GALNT11: variants seen among roughly 807,000 people sequenced by gnomAD.
GALNT11 encodes the protein UDP-GalNAc:polypeptide N-acetylgalactosaminyltransferase 11.
In GALNT11, 47 loss-of-function variants were observed where a neutral mutation model predicts 72.7. The observed-to-expected ratio is 0.65, with a 90% CI of 0.51 to 0.82. The LOEUF is 0.82. Ranked by LOEUF, GALNT11 falls within the 40% of genes least tolerant of loss-of-function variation. The pLI, the probability that GALNT11 is intolerant of heterozygous loss-of-function variation, is 0.00. For missense variants in GALNT11, 677 were observed against 778.4 expected, an observed-to-expected ratio of 0.87 and a Z score of 1.55; for synonymous variants, 270 against 286.6, an observed-to-expected ratio of 0.94 and a Z score of 0.58.
chr7:152,054,446 A>G (rs553154915), intron 1 of GALNT11, among the ~76,000 whole-genome samples: 1 of 141,948 alleles, frequency 7.0e-6, no homozygotes, highest in Non-Finnish European at 1.5e-5. Flanking sequence ...ATTTTTTTTA[A>G]TTGTGGTAAA....
intron 2 of GALNT11, among the ~76,000 whole-genome samples, chr7:152,096,655 C>CCT (rs2086399421): frequency 6.9e-6 from 1 of 145,576 alleles, no homozygotes; most frequent in African/African-American, 2.6e-5. Context: ...GCGGAGGTTG[C>CCT]AGTGAGTCAA....
chr7:152,062,069 T>A (rs1362402183), intron 1 of GALNT11, among the ~76,000 whole-genome samples: 1 of 152,230 alleles, frequency 6.6e-6, no homozygotes, highest in Admixed American at 6.5e-5. Context: ...TTGGGCAGTA[T>A]GGCCATTTTC....
intron 2 of GALNT11, among the ~76,000 whole-genome samples, chr7:152,098,737 ATTTC>A (rs2086556823): frequency 6.6e-6 from 1 of 152,008 alleles, no homozygotes; most frequent in African/African-American, 2.4e-5. Flanking sequence ...TTTTAGTTTT[ATTTC>A]TTTTATGTTT....
At chr7:152,055,589 A>G (rs1220910198) in intron 1 of GALNT11, among the ~76,000 whole-genome samples, 1 of 151,308 alleles carries the variant, frequency 6.6e-6, no homozygotes, top group African/African-American at 2.4e-5. Flanking sequence ...ATATATATAT[A>G]CACACAAAGT....
chr7:152,069,529 T>G (rs1256175096), intron 1 of GALNT11, among the ~76,000 whole-genome samples: 1 of 152,208 alleles, frequency 6.6e-6, no homozygotes, highest in African/African-American at 2.4e-5. Flanking sequence ...AGTCTCCAAC[T>G]GTAGTAGTGG....
chr7:152,121,254 C>T (rs542824599), intron 11 of GALNT11, among the ~76,000 whole-genome samples: 16 of 152,212 alleles, frequency 1.1e-4, no homozygotes, highest in African/African-American at 3.4e-4. Flanking sequence ...CAGTGGCTCC[C>T]GCCTGTAATC....
At chr7:152,032,811 C>G (rs1035472872) in intron 1 of GALNT11, among the ~76,000 whole-genome samples, 1 of 152,154 alleles carries the variant, frequency 6.6e-6, no homozygotes, top group African/African-American at 2.4e-5. Context: ...CCAGCTTTGG[C>G]TAACATATCC....
chr7:152,063,943 T>G (rs909601208), intron 1 of GALNT11, among the ~76,000 whole-genome samples: 9 of 152,160 alleles, frequency 5.9e-5, no homozygotes, highest in African/African-American at 1.9e-4. Context: ...CTGTTGATTT[T>G]GGGTAGAGAG....
intron 1 of GALNT11, among the ~76,000 whole-genome samples, chr7:152,069,997 C>CTTTTTTTTTTTTTTTT (rs879494057): frequency 7.0e-6 from 1 of 143,438 alleles, no homozygotes; most frequent in African/African-American, 2.8e-5. Flanking sequence ...TTTTCTTTTT[C>CTTTTTTTTTTTTTTTT]TTTTTCTTTT....
intron 8 of GALNT11, among the ~76,000 whole-genome samples, chr7:152,116,368 G>A (rs545175323): frequency 2.4e-3 from 370 of 151,796 alleles, no homozygotes; most frequent in Non-Finnish European, 2.8e-3. Flanking sequence ...CTGCAGCCTC[G>A]GCCCCCAAGG....
At chr7:152,089,442 A>G (rs2085866334) in intron 1 of GALNT11, among the ~76,000 whole-genome samples, 1 of 152,240 alleles carries the variant, frequency 6.6e-6, no homozygotes, top group Admixed American at 6.5e-5. Context: ...GCACATTCGA[A>G]CAAAGGAAAG....
intron 1 of GALNT11, among the ~76,000 whole-genome samples, chr7:152,081,753 A>G (rs1181559617): frequency 1.3e-5 from 2 of 152,152 alleles, no homozygotes; most frequent in Non-Finnish European, 2.9e-5. Context: ...GGGGGATGCT[A>G]GAAACCAACC....
intron 4 of GALNT11, chr7:152,104,544 G>T (rs962007576): frequency 1.3e-5 from 2 of 152,032 alleles, no homozygotes; most frequent in Non-Finnish European, 2.9e-5. Flanking sequence ...TTTATGGTTG[G>T]TTTTTGTTTT....
At chr7:152,038,444 G>A (rs2082690827) in intron 1 of GALNT11, among the ~76,000 whole-genome samples, 1 of 152,232 alleles carries the variant, frequency 6.6e-6, no homozygotes, top group Non-Finnish European at 1.5e-5. Context: ...AATGCCTTAA[G>A]TGGTTTTCCA....
chr7:152,078,652 A>C (rs555678423), intron 1 of GALNT11, among the ~76,000 whole-genome samples: 1 of 152,304 alleles, frequency 6.6e-6, no homozygotes, highest in East Asian at 1.9e-4. Flanking sequence ...CCTTAGATTG[A>C]GCTTCCTTCC....
chr7:152,104,137 G>A (rs960327887), intron 4 of GALNT11: 5 of 152,238 alleles, frequency 3.3e-5, no homozygotes, highest in Admixed American at 1.3e-4. Context: ...AGCTCTCAGT[G>A]ACCTTGCAAG....
intron 1 of GALNT11, among the ~76,000 whole-genome samples, chr7:152,083,168 GT>G (rs1271531054): frequency 6.6e-6 from 1 of 152,004 alleles, no homozygotes; most frequent in Admixed American, 6.6e-5. Context: ...AGTATCCAAA[GT>G]TTTTTGTCTT....
At chr7:152,099,779 T>TCG (rs2086690542) in intron 2 of GALNT11, among the ~76,000 whole-genome samples, 1 of 131,906 alleles carries the variant, frequency 7.6e-6, no homozygotes, top group Non-Finnish European at 1.6e-5. Flanking sequence ...TTTTTTTTTT[T>TCG]GAAAAGACAG....
chr7:152,044,550 G>A (rs545060537), intron 1 of GALNT11, among the ~76,000 whole-genome samples: 13 of 152,058 alleles, frequency 8.5e-5, no homozygotes, highest in South Asian at 2.1e-4. Flanking sequence ...TTTATTTGTG[G>A]CTATTGTAAA....
Sources: allele counts gnomAD v4.1 joint callset (sites outside exome capture counted in the v4.1 genomes callset), GRCh38; gene constraint gnomAD v4.1.1; transcripts MANE v1.5; gene names NCBI Gene and HGNC (gene_info 2026-07-23, HGNC 2026-07-21).